COG5: variants seen among roughly 807,000 people sequenced by gnomAD.
COG5 encodes the protein conserved oligomeric Golgi complex subunit 5.
Under a neutral mutation model 110.4 loss-of-function variants are expected in COG5, and 86 were observed. The observed-to-expected ratio is 0.78, with a 90% CI of 0.65 to 0.93. COG5 has a LOEUF of 0.93. Ranked by LOEUF, COG5 falls within the 40% of genes least tolerant of loss-of-function variation. COG5 has a pLI of 0.00. For synonymous variants in COG5, 360 were observed against 334.6 expected, an observed-to-expected ratio of 1.08 and a Z score of -0.83; for missense variants, 1,077 against 987.0, an observed-to-expected ratio of 1.09 and a Z score of -1.22.
At chr7:107,254,003 T>G (rs1204548660) in intron 16 of COG5, among the ~76,000 whole-genome samples, 2 of 152,152 alleles carry the variant, frequency 1.3e-5, no homozygotes, top group African/African-American at 4.8e-5. Flanking sequence ...GGCTCCTCAC[T>G]ACAATAAAAG....
At chr7:107,432,792 A>G (rs866936445) in intron 6 of COG5, among the ~76,000 whole-genome samples, 2 of 152,090 alleles carry the variant, frequency 1.3e-5, no homozygotes, top group Non-Finnish European at 2.9e-5. Flanking sequence ...AAAATTTTCT[A>G]TTTTTTTCTA....
chr7:107,507,194 T>C (rs796410327), intron 6 of COG5, among the ~76,000 whole-genome samples: 14 of 152,362 alleles, frequency 9.2e-5, no homozygotes, highest in African/African-American at 3.1e-4. Flanking sequence ...GCTCACAGTA[T>C]AGGCTGTAGC....
intron 14 of COG5, among the ~76,000 whole-genome samples, chr7:107,274,687 G>A (rs1373842618): frequency 6.6e-6 from 1 of 152,160 alleles, no homozygotes; most frequent in East Asian, 1.9e-4. Context: ...AGAAGCATGA[G>A]CAATAAATGC....
At chr7:107,384,943 T>C (rs1790078492) in intron 7 of COG5, among the ~76,000 whole-genome samples, 1 of 152,234 alleles carries the variant, frequency 6.6e-6, no homozygotes, top group African/African-American at 2.4e-5. Flanking sequence ...AATTAAATTG[T>C]AGAAGACATA....
chr7:107,393,156 A>T (rs560226111), intron 7 of COG5, among the ~76,000 whole-genome samples: 40 of 152,340 alleles, frequency 2.6e-4, no homozygotes, highest in Admixed American at 2.2e-3. Context: ...ACTGCATAAG[A>T]AATATTGACA....
intron 14 of COG5, among the ~76,000 whole-genome samples, chr7:107,259,193 C>T (rs1267707337): frequency 1.3e-5 from 2 of 151,790 alleles, no homozygotes; most frequent in Non-Finnish European, 2.9e-5. Flanking sequence ...TAATCCAATC[C>T]TTTATAACAA....
chr7:107,274,963 TTC>T (rs1312550658), intron 14 of COG5, among the ~76,000 whole-genome samples: 3 of 152,096 alleles, frequency 2.0e-5, no homozygotes, highest in African/African-American at 7.2e-5. Flanking sequence ...TCTTTTTTTC[TTC>T]TGTTTTTGTA....
chr7:107,394,558 A>T (rs1790851756), intron 7 of COG5, among the ~76,000 whole-genome samples: 1 of 152,256 alleles, frequency 6.6e-6, no homozygotes, highest in Non-Finnish European at 1.5e-5. Flanking sequence ...TAGCTAATGG[A>T]ACAGAGATGT....
At chr7:107,356,316 T>A (rs1440801774) in intron 10 of COG5, among the ~76,000 whole-genome samples, 1 of 152,226 alleles carries the variant, frequency 6.6e-6, no homozygotes, top group South Asian at 2.1e-4. Flanking sequence ...ATGGAATTAA[T>A]AATGTAACTG....
chr7:107,239,964 T>A (rs1801486835), intron 17 of COG5, among the ~76,000 whole-genome samples: 1 of 152,190 alleles, frequency 6.6e-6, no homozygotes, highest in South Asian at 2.1e-4. Context: ...GTGTGAGTGC[T>A]CTCCCTTCCA....
intron 7 of COG5, among the ~76,000 whole-genome samples, chr7:107,386,878 C>T (rs1479665048): frequency 6.6e-6 from 1 of 151,996 alleles, no homozygotes; most frequent in Non-Finnish European, 1.5e-5. Context: ...CAACAGAGAG[C>T]CTAAAAAGGG....
chr7:107,365,472 G>T (rs1240707036), intron 8 of COG5, among the ~76,000 whole-genome samples: 2 of 151,790 alleles, frequency 1.3e-5, no homozygotes, highest in African/African-American at 4.8e-5. Context: ...TAGATCATTA[G>T]GAAGAAGTAA....
intron 14 of COG5, among the ~76,000 whole-genome samples, chr7:107,260,094 GAAAT>G (rs902245355): frequency 9.1e-6 from 1 of 110,484 alleles, no homozygotes; most frequent in African/African-American, 2.7e-5. Flanking sequence ...ATATATATAT[GAAAT>G]AAAAACATGT....
At chr7:107,279,443 A>T (rs957254443) in intron 14 of COG5, among the ~76,000 whole-genome samples, 7 of 152,146 alleles carry the variant, frequency 4.6e-5, no homozygotes, top group Non-Finnish European at 1.0e-4. Context: ...AATCTGTTTC[A>T]AGTCTTTCTT....
At chr7:107,402,225 G>C (rs1266517757) in intron 7 of COG5, among the ~76,000 whole-genome samples, 2 of 152,162 alleles carry the variant, frequency 1.3e-5, no homozygotes, top group East Asian at 1.9e-4. Context: ...GCTTGACCAA[G>C]AAGGTCTTCT....
At chr7:107,256,907 C>A in intron 15 of COG5, 113 bp from the exon 16 acceptor site, 1 of 725,414 alleles carries the variant, frequency 1.4e-6, no homozygotes, top group South Asian at 1.6e-5. Context: ...ACAATATTAT[C>A]ATTGCTTTAC....
intron 11 of COG5, among the ~76,000 whole-genome samples, chr7:107,299,244 C>T (rs1807031094): frequency 6.6e-6 from 1 of 152,000 alleles, no homozygotes; most frequent in South Asian, 2.1e-4. Flanking sequence ...AAAACTGGTT[C>T]TTTGAAAAGA....
chr7:107,275,289 T>TA (rs34102814), intron 14 of COG5, among the ~76,000 whole-genome samples: 1,783 of 138,078 alleles, frequency 0.013, 15 homozygotes, highest in Non-Finnish European at 0.017. Flanking sequence ...CCCCATCTCT[T>TA]AAAAAAAAAA....
intron 6 of COG5, among the ~76,000 whole-genome samples, chr7:107,514,435 T>TA (rs1480371606): frequency 3.3e-5 from 5 of 152,122 alleles, no homozygotes; most frequent in African/African-American, 1.2e-4. Flanking sequence ...CATTTTCACT[T>TA]AATTATAATA....
Sources: allele counts gnomAD v4.1 joint callset (sites outside exome capture counted in the v4.1 genomes callset), GRCh38; gene constraint gnomAD v4.1.1; transcripts MANE v1.5; gene names NCBI Gene and HGNC (gene_info 2026-07-23, HGNC 2026-07-21).